The following ARID1B variants were observed in gnomAD, a reference collection of about 807,000 sequenced individuals.
ARID1B encodes the protein AT-rich interaction domain 1B, also known as AT-rich interactive domain-containing protein 1B.
In ARID1B, 30 loss-of-function variants were observed where a neutral mutation model predicts 212.3. That is an observed-to-expected ratio of 0.14 (90% CI 0.11 to 0.19). ARID1B has a LOEUF of 0.19. ARID1B is among the 10% of genes least tolerant of loss of function. The probability of loss-of-function intolerance (pLI) is 1.00; values close to 1 mark genes in which losing one functional copy is unlikely to be tolerated. For synonymous variants in ARID1B, 1,402 were observed against 1,301.7 expected (o/e 1.08, Z -1.66); for missense variants, 2,891 against 3,204.0 (o/e 0.90, Z 2.36).
chr6:157,060,003 G>A (rs1783239536), intron 4 of ARID1B, among the ~76,000 whole-genome samples: 1 of 152,154 alleles, frequency 6.6e-6, no homozygotes, highest in Non-Finnish European at 1.5e-5. Context: ...GAAGTGTATT[G>A]TTCCTGGCAG....
chr6:156,905,917 A>G (rs1789339042), intron 3 of ARID1B, among the ~76,000 whole-genome samples: 1 of 152,232 alleles, frequency 6.6e-6, no homozygotes, highest in Admixed American at 6.5e-5. Context: ...GAATAAAGAT[A>G]AGACACACAG....
At chr6:157,202,067 T>TA (rs1443149359) in intron 18 of ARID1B, among the ~76,000 whole-genome samples, 1 of 152,214 alleles carries the variant, frequency 6.6e-6, no homozygotes, top group African/African-American at 2.4e-5. Flanking sequence ...TTGTATGTAA[T>TA]ATGTAGATTG....
intron 7 of ARID1B, among the ~76,000 whole-genome samples, chr6:157,133,841 T>G (rs1482871328): frequency 6.6e-6 from 1 of 152,200 alleles, no homozygotes. Context: ...TCCTCCTTCC[T>G]GGAAGTGGAT....
chr6:157,073,005 G>T (rs1216260094), intron 4 of ARID1B, among the ~76,000 whole-genome samples: 2 of 151,872 alleles, frequency 1.3e-5, no homozygotes, highest in African/African-American at 4.8e-5. Context: ...GTATAATATT[G>T]ATTGTTAATA....
chr6:156,829,550 G>T, intron 2 of ARID1B, 129 bp downstream of exon 2: 3 of 1,064,982 alleles, frequency 2.8e-6, no homozygotes, highest in African/African-American at 1.6e-5. Context: ...AATTTTTATT[G>T]TTTCTTTAAT....
rs542320975 is a variant in ARID1B, at chr6:156,795,193, A to G, written c.1791+15722A>G. ...GCGGAGGCTGCTGCAGGGCCTGGGA[A>G]GGAGTAAGGCAGCACACGGTGGCTG... is the stretch of plus-strand genomic sequence containing the variant. On this transcript the variant is annotated intron_variant, in intron 1 of 19. Coordinates refer to ENST00000636930, the MANE Select transcript of ARID1B (RefSeq NM_001374828.1). 2.0e-5 allele frequency among the ~76,000 whole-genome samples: 3 copies of G among 150,748 alleles called. No individual in the cohort carries two copies. The South Asian group carries it at 6.2e-4, about 31-fold the overall frequency.
chr6:156,798,186 C>G (rs1054165219), intron 1 of ARID1B, among the ~76,000 whole-genome samples: 12 of 152,200 alleles, frequency 7.9e-5, no homozygotes, highest in African/African-American at 2.4e-4. Context: ...GCCTGCCGCT[C>G]TGCTTTCTCT....
intron 19 of ARID1B, chr6:157,205,911 CGT>C: frequency 2.1e-6 from 1 of 469,100 alleles, no homozygotes; most frequent in Non-Finnish European, 3.9e-6. Flanking sequence ...AGTAAGTTTT[CGT>C]GTAGATAGTC....
chr6:156,834,692 C>T (rs572356719), intron 2 of ARID1B, among the ~76,000 whole-genome samples: 4 of 152,238 alleles, frequency 2.6e-5, no homozygotes, highest in African/African-American at 9.6e-5. Flanking sequence ...GACTTGGAGC[C>T]GAGCTGATTT....
At chr6:157,135,538 C>T (rs907448268) in intron 7 of ARID1B, among the ~76,000 whole-genome samples, 1 of 152,166 alleles carries the variant, frequency 6.6e-6, no homozygotes, top group Non-Finnish European at 1.5e-5. Flanking sequence ...GACACTGCCA[C>T]CTTGTTCCCC....
chr6:157,091,452 C>A (rs540945341), intron 5 of ARID1B, among the ~76,000 whole-genome samples: 86 of 152,306 alleles, frequency 5.6e-4, no homozygotes, highest in African/African-American at 1.9e-3. Flanking sequence ...AGAAGATATT[C>A]TGGTCAAAAA....
intron 8 of ARID1B, among the ~76,000 whole-genome samples, chr6:157,158,029 A>AAAC (rs1790683378): frequency 1.3e-5 from 2 of 152,230 alleles, no homozygotes; most frequent in Non-Finnish European, 2.9e-5. Flanking sequence ...GTCTCTTAAA[A>AAAC]AATAATAATA....
At chr6:156,825,001 A>G (rs1472152512) in intron 1 of ARID1B, among the ~76,000 whole-genome samples, 2 of 151,836 alleles carry the variant, frequency 1.3e-5, no homozygotes, top group Non-Finnish European at 2.9e-5. Context: ...AGTAGCTGGG[A>G]TTACAGGTGC....
At chr6:156,970,035 T>C (rs536112292) in intron 4 of ARID1B, among the ~76,000 whole-genome samples, 26 of 146,482 alleles carry the variant, frequency 1.8e-4, no homozygotes, top group African/African-American at 6.4e-4. Context: ...TTATTAAGAA[T>C]AAAAGCTTTG....
chr6:157,124,265 A>G (rs754422110), intron 6 of ARID1B, among the ~76,000 whole-genome samples: 1 of 152,224 alleles, frequency 6.6e-6, no homozygotes, highest in Non-Finnish European at 1.5e-5. Flanking sequence ...CACTAAGACC[A>G]CATGTTTTTG....
chr6:157,041,289 C>T (rs1348940264), intron 4 of ARID1B, among the ~76,000 whole-genome samples: 5 of 152,092 alleles, frequency 3.3e-5, no homozygotes, highest in Non-Finnish European at 1.5e-5. Context: ...ATCAGCTAAA[C>T]ATTTATATGT....
At position 157,206,691 on chromosome 6, in the gene ARID1B, A is replaced by T. The variant is rs1242437116; in HGVS notation, c.5919A>T (p.Leu1973Phe). Residue 1973 changes from leucine to phenylalanine, a missense_variant, in exon 20 of 20, where the codon TTA (leucine) becomes TTT (phenylalanine). Physicochemically the swap from Leu to Phe is conservative, Grantham distance 22. Transcript: ENST00000636930. This position sits in a 1 kb window ranked among gnomAD's most constrained non-coding sequence, Gnocchi z 6.8. ...IPPRRRPPPP[L>F]SSAGRKKEQE... is the part of the protein sequence containing the mutation. ...CTCGCAGGCGCCCACCTCCCCCCTT[A>T]AGCTCCGCAGGTAGAAAGAAAGAGC... The T allele has an allele frequency of 6.2e-7, 1 of 1,612,686 alleles. No individual in the cohort carries two copies. The highest frequency in any genetic ancestry group is 8.5e-7 in the Non-Finnish European group (1 of 1,179,950).
intron 1 of ARID1B, among the ~76,000 whole-genome samples, chr6:156,792,369 T>C (rs1249554979): frequency 3.3e-5 from 5 of 152,094 alleles, no homozygotes; most frequent in Non-Finnish European, 7.3e-5. Context: ...TTTGGGAAGC[T>C]GAGGTAGGAG....
At chr6:157,020,174 AAATT>A (rs1468345792) in intron 4 of ARID1B, among the ~76,000 whole-genome samples, 1 of 152,208 alleles carries the variant, frequency 6.6e-6, no homozygotes, top group African/African-American at 2.4e-5. Flanking sequence ...TTATTTAAGA[AAATT>A]AATAATATTT....
Sources: allele counts gnomAD v4.1 joint callset (sites outside exome capture counted in the v4.1 genomes callset), GRCh38; gene constraint gnomAD v4.1.1; non-coding constraint Gnocchi (gnomAD v3.1); transcripts MANE v1.5; gene names NCBI Gene and HGNC (gene_info 2026-07-23, HGNC 2026-07-21).